ICA1: variants seen among roughly 807,000 people sequenced by gnomAD.
ICA1 encodes islet cell autoantigen 1, also known as 69 kDa islet cell autoantigen.
ICA1 carries 40 observed loss-of-function variants against 71.0 expected under a neutral mutation model. The observed-to-expected ratio is 0.56, with a 90% CI of 0.44 to 0.73. The LOEUF (loss-of-function observed/expected upper bound fraction) is 0.73, where lower values mean the gene tolerates loss of function less well. Among genes scored for constraint, ICA1 ranks in the 30% least tolerant of loss-of-function variants. The probability of loss-of-function intolerance (pLI) is 0.00; values close to 1 mark genes in which losing one functional copy is unlikely to be tolerated. For synonymous variants in ICA1, 207 were observed against 209.5 expected (o/e 0.99, Z 0.10); for missense variants, 578 against 576.5 (o/e 1.00, Z -0.03).
chr7:8,119,496 C>T (rs560953186), intron 13 of ICA1, among the ~76,000 whole-genome samples: 3 of 152,194 alleles, frequency 2.0e-5, no homozygotes, highest in Non-Finnish European at 2.9e-5. Flanking sequence ...ATGTAATGTG[C>T]GTGTTCTTGG....
chr7:8,152,667 ACC>A lies in ICA1; in HGVS notation c.804+4447_804+4448del, dbSNP rs1411304943. Among the ~76,000 whole-genome samples, 891 of 148,488 alleles carry A rather than the reference ACC, an allele frequency of 6.0e-3. 1 individual carries two copies. The highest frequency in any genetic ancestry group is 8.8e-3 in the Non-Finnish European group (584 of 66,610). ...CTCCACCACCACCACCACCACCACC[ACC>A]ATTATCTCCTTCATCACCACTACCC... On this transcript the variant is annotated intron_variant, in intron 8 of 13. Coordinates refer to ENST00000402384, the MANE Select transcript of ICA1 (RefSeq NM_001136020.3).
In ICA1 at chr7:8,162,967, T is replaced by C. The variant is rs544157816; in HGVS notation, c.580-4315A>G. Among the ~76,000 whole-genome samples, 13 of 152,346 alleles carry C rather than the reference T, an allele frequency of 8.5e-5. No homozygotes were observed. In the South Asian group the frequency reaches 2.5e-3, roughly 29 times the overall value. On this transcript the variant is annotated intron_variant, in intron 6 of 13. Coordinates refer to ENST00000402384, the MANE Select transcript of ICA1 (RefSeq NM_001136020.3). ...TTAGTAGAGATACGGTTTCACCATG[T>C]TGGCCAGGCTGGTCTTGAACTTGTG... is the stretch of plus-strand genomic sequence containing the variant.
Position 8,152,785 on chromosome 7 carries a change from T to TCACCTCCAC in ICA1, c.804+4330_804+4331insGTGGAGGTG, listed in dbSNP as rs1313074740. On this transcript the variant is annotated intron_variant, in intron 8 of 13. Coordinates refer to ENST00000402384, the MANE Select transcript of ICA1 (RefSeq NM_001136020.3). ...ACCACTACCCCCACCACTATCACCATCACCATCACCTCCACCACCACCACC... is the reference window on the plus strand; with the variant it reads ...ACCACTACCCCCACCACTATCACCATCACCTCCACCACCATCACCTCCACCACCACCACC... 3.8e-3 allele frequency among the ~76,000 whole-genome samples: 306 copies of TCACCTCCAC among 81,356 alleles called. 5 individuals are homozygous for TCACCTCCAC. The highest frequency in any genetic ancestry group is 0.013 in the Middle Eastern group (2 of 150). The allele number at this position is 81,356 out of a possible 152,430, so 53.4% of individuals were successfully genotyped here.
At chr7:8,196,634 G>A (rs1054354449) in intron 6 of ICA1, among the ~76,000 whole-genome samples, 40 of 152,102 alleles carry the variant, frequency 2.6e-4, no homozygotes, top group Non-Finnish European at 2.8e-4. Context: ...GTTGGGAAGC[G>A]GGGAGTGAGT....
At chr7:8,169,260 T>C (rs1485268528) in intron 6 of ICA1, among the ~76,000 whole-genome samples, 1 of 152,174 alleles carries the variant, frequency 6.6e-6, no homozygotes, top group Non-Finnish European at 1.5e-5. Context: ...TGTACATCAA[T>C]TTTTTGGCTC....
chr7:8,158,728 C>G (rs1584713446), intron 6 of ICA1, 76 bp from the exon 7 acceptor site: 2 of 1,419,260 alleles, frequency 1.4e-6, no homozygotes, highest in Non-Finnish European at 1.9e-6. Context: ...ATGAGACCAA[C>G]AGCAGGCCTT....
At chr7:8,205,791 G>A (rs1349336537) in intron 6 of ICA1, among the ~76,000 whole-genome samples, 2 of 152,196 alleles carry the variant, frequency 1.3e-5, no homozygotes, top group African/African-American at 2.4e-5. Flanking sequence ...AGACTGTAGG[G>A]AAAGACTGTG....
chr7:8,144,092 A>T lies in ICA1; in HGVS notation c.805-120T>A, dbSNP rs1268443458. 9.4e-6 allele frequency: 6 copies of T among 634,954 alleles called. No homozygotes were observed. The highest frequency in any genetic ancestry group is 2.9e-5 in the Admixed American group (1 of 34,752). The allele number at this position is 634,954 out of a possible 1,614,324, so 39.3% of individuals were successfully genotyped here. On this transcript the variant is annotated intron_variant, in intron 8 of 13. Coordinates refer to ENST00000402384, the MANE Select transcript of ICA1 (RefSeq NM_001136020.3). This position sits in a 1 kb window ranked among gnomAD's most constrained non-coding sequence, Gnocchi z 4.5. Reference sequence around the variant, plus strand: ...AACTGCCATTTGTCCCAGCAACCAAACTTTGAATTACAGGTATTGGGAGGT... The same window carrying T: ...AACTGCCATTTGTCCCAGCAACCAATCTTTGAATTACAGGTATTGGGAGGT...
chr7:8,235,990 T>C lies in ICA1; in HGVS notation c.-64A>G. The C allele has an allele frequency of 6.7e-7, 1 of 1,493,366 alleles. No individual in the cohort carries two copies. The highest frequency in any genetic ancestry group is 9.3e-7 in the Non-Finnish European group (1 of 1,075,572). The allele number at this position is 1,493,366 out of a possible 1,614,324, so 92.5% of individuals were successfully genotyped here. On this transcript the variant is annotated 5_prime_UTR_variant, in exon 2 of 14. Coordinates refer to ENST00000402384, the MANE Select transcript of ICA1 (RefSeq NM_001136020.3). ...GGGGCAGGAAAAAAGCATGAGAGGA[T>C]AAGTTATATTATAACCTGAAATAAA...
rs1047823467 is a variant in ICA1, at chr7:8,189,771, AGGGGGCTGGGCAG to A, written c.579+28521_579+28533del. On this transcript the variant is annotated intron_variant, in intron 6 of 13. Transcript: ENST00000402384. The stretch of plus-strand genomic sequence containing the variant: ...CCTTGAGCAGACCAGGAGTGTGGGG[AGGGGGCTGGGCAG>A]GGGGGCTGGGCAGGGGGCCCAGGCA... 2.5e-3 allele frequency among the ~76,000 whole-genome samples: 193 copies of A among 76,400 alleles called. 1 individual carries two copies. Among genetic ancestry groups the A allele is most frequent in the African/African-American group, 6.9e-3 (147 of 21,370 alleles). The allele number at this position is 76,400 out of a possible 152,430, so 50.1% of individuals were successfully genotyped here.
intron 4 of ICA1, chr7:8,227,928 A>G: frequency 2.4e-6 from 1 of 410,028 alleles, no homozygotes; most frequent in South Asian, 1.8e-5. Context: ...GATGTAGAAA[A>G]ATGACCAATT....
rs3807855 is a variant in ICA1, at chr7:8,114,677, C to G, written c.1331-633G>C. The stretch of plus-strand genomic sequence containing the variant: ...GGAATACTCCCTTCTGCTCTTCCAC[C>G]TAAACACCTGCCCTAACTTCCTGAA... On this transcript the variant is annotated intron_variant, in intron 13 of 13. Transcript: ENST00000402384. 1.9e-3 allele frequency among the ~76,000 whole-genome samples: 295 copies of G among 152,340 alleles called. 2 individuals are homozygous for G. The East Asian group carries it at 0.029, about 15-fold the overall frequency.
chr7:8,127,528 A>G (rs1020941181), intron 13 of ICA1, among the ~76,000 whole-genome samples: 12 of 152,274 alleles, frequency 7.9e-5, no homozygotes, highest in South Asian at 2.1e-4. Context: ...TGCTTATGGG[A>G]ACGTGGTGAA....
At chr7:8,150,160 T>C (rs1231480958) in intron 8 of ICA1, among the ~76,000 whole-genome samples, 1 of 152,220 alleles carries the variant, frequency 6.6e-6, no homozygotes, top group Non-Finnish European at 1.5e-5. Flanking sequence ...TGGAAACAAA[T>C]GGACTTTGGA....
chr7:8,197,268 G>A (rs2128316790), intron 6 of ICA1, among the ~76,000 whole-genome samples: 1 of 151,672 alleles, frequency 6.6e-6, no homozygotes, highest in South Asian at 2.1e-4. Flanking sequence ...TTAAAAAAAA[G>A]AAGAGGCTGG....
At chr7:8,207,141 A>C (rs1015611478) in intron 6 of ICA1, among the ~76,000 whole-genome samples, 4 of 152,228 alleles carry the variant, frequency 2.6e-5, no homozygotes, top group African/African-American at 9.6e-5. Flanking sequence ...TCAGCATCTA[A>C]ATGACAATGG....
At chr7:8,120,193 A>T (rs1016410773) in intron 13 of ICA1, among the ~76,000 whole-genome samples, 2 of 152,244 alleles carry the variant, frequency 1.3e-5, no homozygotes, top group Non-Finnish European at 2.9e-5. Flanking sequence ...AGTGTGAGGC[A>T]GAAACAACAG....
At chr7:8,153,544 G>A (rs532007949) in intron 8 of ICA1, among the ~76,000 whole-genome samples, 1 of 152,186 alleles carries the variant, frequency 6.6e-6, no homozygotes, top group South Asian at 2.1e-4. Flanking sequence ...GTGGAGAAAT[G>A]TGAAAGTAAA....
Position 8,132,315 on chromosome 7 carries a change from C to T in ICA1, c.1061-4173G>A, listed in dbSNP as rs576771062. The stretch of plus-strand genomic sequence containing the variant: ...ATTTTCCAATGCTTCCTTCCCCTAG[C>T]CGCAGGAGATGTGTGCCTATCTCAA... On this transcript the variant is annotated intron_variant, in intron 12 of 13. Coordinates refer to ENST00000402384, the MANE Select transcript of ICA1 (RefSeq NM_001136020.3). The surrounding 1 kb of genome is among the most constrained non-coding windows in gnomAD (Gnocchi z 4.5). Among the ~76,000 whole-genome samples the T allele has an allele frequency of 6.6e-6, 1 of 152,302 alleles. No individual in the cohort carries two copies. Among genetic ancestry groups the T allele is most frequent in the Non-Finnish European group, 1.5e-5 (1 of 68,036 alleles).
Sources: allele counts gnomAD v4.1 joint callset (sites outside exome capture counted in the v4.1 genomes callset), GRCh38; gene constraint gnomAD v4.1.1; non-coding constraint Gnocchi (gnomAD v3.1); transcripts MANE v1.5; gene names NCBI Gene and HGNC (gene_info 2026-07-23, HGNC 2026-07-21).